Variants in ACSL6 observed in about 807,000 individuals in gnomAD.
ACSL6 encodes the protein acyl-CoA synthetase long chain family member 6, also known as long-chain-fatty-acid--CoA ligase 6.
In ACSL6, 47 loss-of-function variants were observed where a neutral mutation model predicts 98.2. The ratio of observed to expected loss-of-function variants is 0.48; its 90% CI spans 0.38 to 0.61. ACSL6 has a LOEUF of 0.61. Ranked by LOEUF, ACSL6 falls within the 20% of genes least tolerant of loss-of-function variation. ACSL6 has a pLI of 0.00. For synonymous variants in ACSL6, 362 were observed against 336.9 expected, an observed-to-expected ratio of 1.07 and a Z score of -0.82; for missense variants, 761 against 913.4, an observed-to-expected ratio of 0.83 and a Z score of 2.15.
At chr5:132,004,187 C>G (rs772969453) in intron 1 of ACSL6, among the ~76,000 whole-genome samples, 5 of 151,956 alleles carry the variant, frequency 3.3e-5, no homozygotes, top group Non-Finnish European at 5.9e-5. Context: ...CCTTCTTCAA[C>G]CAAGGCTCCA....
rs1370304932 is a variant in ACSL6 at position 131,994,234 on chromosome 5, G to A, written c.67C>T (p.Leu23=). The change falls in exon 2 of 21, where the codon CTG becomes TTG. Residue 23 remains leucine (L), a synonymous_variant. Transcript: ENST00000651883. ...WLFVEFVLSL[L]EKMQTQEILR... ...ATCTCCTGTGTCTGCATCTTCTCCA[G>A]AAGTGAGAGGACAAACTCTGTTGAA... 6.2e-7 allele frequency: 1 copy of A among 1,611,658 alleles called. No homozygotes were observed. Among genetic ancestry groups the A allele is most frequent in the South Asian group, 1.1e-5 (1 of 90,538 alleles).
chr5:132,003,422 C>T (rs558629645), intron 1 of ACSL6, among the ~76,000 whole-genome samples: 2 of 152,168 alleles, frequency 1.3e-5, no homozygotes, highest in Non-Finnish European at 2.9e-5. Flanking sequence ...CAGCCCTCAG[C>T]GGGCAGGAGC....
chr5:131,997,401 C>A (rs1282262845), intron 1 of ACSL6, among the ~76,000 whole-genome samples: 1 of 152,176 alleles, frequency 6.6e-6, no homozygotes, highest in Non-Finnish European at 1.5e-5. Context: ...GTATGGCCAC[C>A]CCAACCCCTG....
rs1305992914 is a variant in ACSL6, at chr5:131,952,675, T to C, written c.*1559A>G. 2 of 214,720 alleles carry C rather than the reference T, an allele frequency of 9.3e-6. No individual in the cohort carries two copies. Among genetic ancestry groups the C allele is most frequent in the Non-Finnish European group, 1.9e-5 (2 of 106,636 alleles). 13.3% of individuals were successfully genotyped at this position (214,720 alleles called of 1,614,324 possible). ...CTTGGAACTTAATTGCTGTCCATGG[T>C]ATCTGGCCTTTAATTATAAGAAATT... is the stretch of plus-strand genomic sequence containing the variant. On this transcript the variant is annotated 3_prime_UTR_variant, in exon 21 of 21. Coordinates refer to ENST00000651883, the MANE Select transcript of ACSL6 (RefSeq NM_001009185.3).
At chr5:131,970,310 A>T in intron 14 of ACSL6, 110 bp from the exon 15 acceptor site, 1 of 939,836 alleles carries the variant, frequency 1.1e-6, no homozygotes, top group Non-Finnish European at 1.7e-6. Flanking sequence ...CTGCTTCATG[A>T]TCAGGGCGAT....
intron 5 of ACSL6, 145 bp downstream of exon 5, chr5:131,989,262 G>A: frequency 1.3e-6 from 1 of 781,862 alleles, no homozygotes; most frequent in Non-Finnish European, 2.1e-6. Flanking sequence ...CAGAGCCAGG[G>A]TGGGAAGAGG....
intron 1 of ACSL6, among the ~76,000 whole-genome samples, chr5:132,007,986 GAAC>G (rs1453498150): frequency 6.6e-6 from 1 of 152,218 alleles, no homozygotes; most frequent in Non-Finnish European, 1.5e-5. Context: ...ACAAGGGACA[GAAC>G]AATAGCTGGA....
At chr5:131,994,940 T>C (rs1754718213) in intron 1 of ACSL6, among the ~76,000 whole-genome samples, 1 of 152,174 alleles carries the variant, frequency 6.6e-6, no homozygotes, top group Admixed American at 6.5e-5. Context: ...TGTGCTATCC[T>C]CCCTGATCCC....
chr5:131,950,901 T>C lies in ACSL6; in HGVS notation c.*3333A>G, dbSNP rs1046976367. On this transcript the variant is annotated 3_prime_UTR_variant, in exon 21 of 21. Transcript: ENST00000651883. ...TTTAACTACATGTAGAATGAAAGCA[T>C]GACTTGCATAAATGAAGGAGACATA... The C allele has an allele frequency of 3.7e-5, 7 of 189,582 alleles. No homozygotes were observed. Among genetic ancestry groups the C allele is most frequent in the African/African-American group, 1.4e-4 (6 of 42,874 alleles). 11.7% of individuals were successfully genotyped at this position (189,582 alleles called of 1,614,324 possible).
At chr5:131,966,295 AG>A in intron 17 of ACSL6, 120 bp downstream of exon 17, 1 of 905,462 alleles carries the variant, frequency 1.1e-6, no homozygotes. Context: ...CAGGCCCCAG[AG>A]GTGCTCCTGA....
intron 20 of ACSL6, among the ~76,000 whole-genome samples, chr5:131,958,662 T>C (rs550868373): frequency 4.6e-5 from 7 of 152,192 alleles, no homozygotes; most frequent in Admixed American, 3.9e-4. Flanking sequence ...AAAATTTTAA[T>C]CCATGAAAAT....
chr5:132,004,137 A>C (rs989608048), intron 1 of ACSL6, among the ~76,000 whole-genome samples: 1 of 151,496 alleles, frequency 6.6e-6, no homozygotes, highest in African/African-American at 2.4e-5. Context: ...GGCAGCCCAG[A>C]GCCCCATGTG....
chr5:131,955,018 T>G (rs1244312603), intron 20 of ACSL6, among the ~76,000 whole-genome samples: 1 of 152,192 alleles, frequency 6.6e-6, no homozygotes, highest in Non-Finnish European at 1.5e-5. Context: ...GGAGCTCAAA[T>G]TTTATTCCAA....
chr5:131,968,067 G>T, intron 15 of ACSL6, 39 bp from the exon 16 acceptor site: 1 of 1,583,220 alleles, frequency 6.3e-7, no homozygotes, highest in Non-Finnish European at 8.7e-7. Flanking sequence ...TTAGTGTTCA[G>T]ATCTGTTTTA....
At chr5:131,975,082 G>A (rs918012348) in intron 10 of ACSL6, 112 bp from the exon 11 acceptor site, 113 of 1,459,074 alleles carry the variant, frequency 7.7e-5, no homozygotes, top group Non-Finnish European at 1.0e-4. Context: ...ACAGGAAGAG[G>A]GGGAGGGGAA....
chr5:131,954,644 C>T (rs1435212712), intron 20 of ACSL6, among the ~76,000 whole-genome samples: 1 of 152,148 alleles, frequency 6.6e-6, no homozygotes, highest in African/African-American at 2.4e-5. Flanking sequence ...TCATGAATGC[C>T]TCTGCCCTTA....
At chr5:131,957,265 T>C (rs902465483) in intron 20 of ACSL6, among the ~76,000 whole-genome samples, 3 of 152,204 alleles carry the variant, frequency 2.0e-5, no homozygotes, top group African/African-American at 7.2e-5. Context: ...TTCATTTCAA[T>C]GACAGGAAAT....
At chr5:131,980,112 G>A (rs1327996871) in intron 9 of ACSL6, among the ~76,000 whole-genome samples, 4 of 152,194 alleles carry the variant, frequency 2.6e-5, no homozygotes, top group Admixed American at 1.3e-4. Flanking sequence ...TTTGGGGACA[G>A]TTCTGGGCCA....
intron 13 of ACSL6, 107 bp from the exon 14 acceptor site, chr5:131,971,752 T>TGCTA (rs1259451348): frequency 1.1e-6 from 1 of 889,628 alleles, no homozygotes; most frequent in Admixed American, 2.8e-5. Context: ...CCTACCTGGA[T>TGCTA]GCTAGGGCTG....
Sources: allele counts gnomAD v4.1 joint callset (sites outside exome capture counted in the v4.1 genomes callset), GRCh38; gene constraint gnomAD v4.1.1; transcripts MANE v1.5; gene names NCBI Gene and HGNC (gene_info 2026-07-23, HGNC 2026-07-21).